The following SLC2A14 variants were observed in gnomAD, a reference collection of about 807,000 sequenced individuals.
SLC2A14 encodes the protein solute carrier family 2 member 14, also known as solute carrier family 2, facilitated glucose transporter member 14.
In SLC2A14, 13 loss-of-function variants were observed where a neutral mutation model predicts 43.0. That is an observed-to-expected ratio of 0.30 (90% CI 0.20 to 0.48). The LOEUF (loss-of-function observed/expected upper bound fraction) is 0.48, where lower values mean the gene tolerates loss of function less well. Ranked by LOEUF, SLC2A14 falls within the 20% of genes least tolerant of loss-of-function variation. SLC2A14 has a pLI of 0.99. For synonymous variants in SLC2A14, 190 were observed against 233.8 expected (o/e 0.81, Z 1.71); for missense variants, 428 against 620.4 (o/e 0.69, Z 3.29).
intron 5 of SLC2A14, 67 bp downstream of exon 5, chr12:7,829,699 A>G (rs1459316653): frequency 1.4e-5 from 22 of 1,588,316 alleles, no homozygotes; most frequent in Non-Finnish European, 1.8e-5. Flanking sequence ...TCAGTGCTTT[A>G]CCTATGTTAA....
At chr12:7,886,088 AGTTCTCTGCCTC>A (rs1945683034) in intron 1 of SLC2A14, among the ~76,000 whole-genome samples, 1 of 145,008 alleles carries the variant, frequency 6.9e-6, no homozygotes, top group African/African-American at 2.5e-5. Context: ...AGGTTCAAGC[AGTTCTCTGCCTC>A]AGCCTCCTGA....
At chr12:7,821,019 T>A (rs1357363106) in intron 8 of SLC2A14, among the ~76,000 whole-genome samples, 40 of 151,956 alleles carry the variant, frequency 2.6e-4, no homozygotes, top group Non-Finnish European at 5.9e-5. Flanking sequence ...CCCAGGAGGC[T>A]GAGGTTGCAG....
At chr12:7,844,259 G>A (rs755222291) in intron 2 of SLC2A14, among the ~76,000 whole-genome samples, 4 of 152,004 alleles carry the variant, frequency 2.6e-5, no homozygotes, top group Non-Finnish European at 5.9e-5. Flanking sequence ...GTACTCTTTT[G>A]TGCTCAGATG....
intron 2 of SLC2A14, among the ~76,000 whole-genome samples, chr12:7,841,762 C>T (rs1469305252): frequency 6.6e-6 from 1 of 152,046 alleles, no homozygotes; most frequent in Non-Finnish European, 1.5e-5. Context: ...AATCCCAGAA[C>T]TTTGGGAGGC....
rs747113192 is a variant in SLC2A14, at chr12:7,835,684, C to T, written c.19-2870G>A. On this transcript the variant is annotated intron_variant, in intron 2 of 10. Coordinates refer to ENST00000431042, the MANE Select transcript of SLC2A14 (RefSeq NM_001286234.2). ...AAGTCAGGGAACACAAGCCTTTAAACGCATTGAGGTAAAGACAGGGAAAAC... is the reference window on the plus strand; with the variant it reads ...AAGTCAGGGAACACAAGCCTTTAAATGCATTGAGGTAAAGACAGGGAAAAC... Among the ~76,000 whole-genome samples the T allele has an allele frequency of 1.9e-4, 29 of 152,212 alleles. 1 individual carries two copies. The highest frequency in any genetic ancestry group is 6.3e-4 in the African/African-American group (26 of 41,538).
intron 1 of SLC2A14, chr12:7,871,084 G>T (rs61925360): frequency 0.31 from 417,800 of 1,362,414 alleles, 65,579 homozygotes; most frequent in Non-Finnish European, 0.33. Context: ...GATGAGCGAG[G>T]CCCCAGGGCC....
chr12:7,846,583 A>C (rs190418810), intron 2 of SLC2A14, among the ~76,000 whole-genome samples: 1 of 151,836 alleles, frequency 6.6e-6, no homozygotes, highest in Non-Finnish European at 1.5e-5. Flanking sequence ...TTAGTGAAAA[A>C]ACTATAGTAT....
At chr12:7,883,808 C>G (rs1171322782) in intron 1 of SLC2A14, among the ~76,000 whole-genome samples, 1 of 151,304 alleles carries the variant, frequency 6.6e-6, no homozygotes, top group Non-Finnish European at 1.5e-5. Context: ...TGGTCTCGAT[C>G]TCTTGACCTC....
chr12:7,871,003 T>C (rs1945197435), intron 1 of SLC2A14: 4 of 1,437,102 alleles, frequency 2.8e-6, no homozygotes, highest in East Asian at 3.4e-5. Flanking sequence ...ATGGCTTCAA[T>C]GACAAGGGGG....
In SLC2A14 at chr12:7,829,808, A is replaced by G. The variant is rs765990310; in HGVS notation, c.471T>C (p.Thr157=). 3 of 1,614,212 alleles carry G rather than the reference A, an allele frequency of 1.9e-6. No homozygotes were observed. Among genetic ancestry groups the G allele is most frequent in the Non-Finnish European group, 2.5e-6 (3 of 1,180,036 alleles). ...SPTALRGAFG[T]LNQLGIVIGI... ...CAATAACTATGCCCAGCTGGTTGAG[A>G]GTGCCAAAGGCACCCCTCAGGGCAG... Residue 157 remains threonine, a synonymous_variant, in exon 5 of 11, where the codon ACT becomes ACC. Transcript: ENST00000431042.
intron 3 of SLC2A14, among the ~76,000 whole-genome samples, chr12:7,832,057 G>T (rs745679742): frequency 6.6e-6 from 1 of 152,340 alleles, no homozygotes; most frequent in Admixed American, 6.5e-5. Context: ...GCGATGAGCC[G>T]AGATAGCGCC....
At chr12:7,839,540 G>A (rs1865749977) in intron 2 of SLC2A14, among the ~76,000 whole-genome samples, 1 of 151,950 alleles carries the variant, frequency 6.6e-6, no homozygotes, top group African/African-American at 2.4e-5. Flanking sequence ...AGGAAGCTAC[G>A]AAGCCATTTT....
At position 7,869,581 on chromosome 12, in the gene SLC2A14, C is replaced by A. The variant is rs148842841; in HGVS notation, c.18+282G>T. ...CAGTTGCATATGATTATTACGGAGG[C>A]CTGTTTGCAATTACAATGCTGATCA... On this transcript the variant is annotated intron_variant, in intron 2 of 10. Transcript: ENST00000431042. 3.3e-5 allele frequency among the ~76,000 whole-genome samples: 5 copies of A among 152,230 alleles called. No individual in the cohort carries two copies. The East Asian group carries it at 9.6e-4, about 29-fold the overall frequency.
chr12:7,877,000 T>TTTTC (rs1438494322), upstream of SLC2A14, among the ~76,000 whole-genome samples: 1 of 142,720 alleles, frequency 7.0e-6, no homozygotes, highest in Non-Finnish European at 1.5e-5. Context: ...TGAATAATTT[T>TTTTC]TTTTCTTTTT....
At chr12:7,859,098 AG>A (rs1245413883) in intron 2 of SLC2A14, among the ~76,000 whole-genome samples, 1 of 152,104 alleles carries the variant, frequency 6.6e-6, no homozygotes, top group East Asian at 1.9e-4. Flanking sequence ...GTCAAAAATC[AG>A]TTGAACAGGC....
rs756866158 is a variant in SLC2A14, at chr12:7,861,816, G to C, written c.18+8047C>G. ...ATCTATACTAAAAATACAAAAATTA[G>C]CCAGGTATGGTGGCGCACACCTGCA... is the stretch of plus-strand genomic sequence containing the variant. On this transcript the variant is annotated intron_variant, in intron 2 of 10. Transcript: ENST00000431042. Among the ~76,000 whole-genome samples the C allele has an allele frequency of 2.6e-5, 4 of 151,904 alleles. No homozygotes were observed. The South Asian group carries it at 8.3e-4, about 32-fold the overall frequency.
intron 2 of SLC2A14, among the ~76,000 whole-genome samples, chr12:7,862,672 A>C (rs988707102): frequency 6.6e-6 from 1 of 152,012 alleles, no homozygotes; most frequent in African/African-American, 2.4e-5. Flanking sequence ...CACTTGGAGA[A>C]CCTTTATGTC....
intron 2 of SLC2A14, among the ~76,000 whole-genome samples, chr12:7,854,951 G>A (rs866720571): frequency 6.6e-6 from 1 of 151,684 alleles, no homozygotes. Flanking sequence ...CTGGGATAAC[G>A]GGTGTCTGCC....
intron 1 of SLC2A14, among the ~76,000 whole-genome samples, chr12:7,888,810 A>AAG (rs199745288): frequency 0.18 from 27,159 of 146,974 alleles, 2,963 homozygotes; most frequent in Middle Eastern, 0.31. Flanking sequence ...AAAAAAAAAA[A>AAG]AAAAAGAAAA....
Sources: allele counts gnomAD v4.1 joint callset (sites outside exome capture counted in the v4.1 genomes callset), GRCh38; gene constraint gnomAD v4.1.1; transcripts MANE v1.5; gene names NCBI Gene and HGNC (gene_info 2026-07-23, HGNC 2026-07-21).